Variants in CPNE5 observed in about 807,000 individuals in gnomAD.
The protein encoded by CPNE5 is copine 5.
Under a neutral mutation model 81.1 loss-of-function variants are expected in CPNE5, and 42 were observed. That is an observed-to-expected ratio of 0.52 (90% CI 0.40 to 0.67). The LOEUF (loss-of-function observed/expected upper bound fraction) is 0.67, where lower values mean the gene tolerates loss of function less well. CPNE5 is among the 30% of genes least tolerant of loss of function. The pLI is 0.00. For missense variants in CPNE5, 612 were observed against 815.5 expected (o/e 0.75, Z 3.04); for synonymous variants, 313 against 321.5 (o/e 0.97, Z 0.28).
intron 7 of CPNE5, among the ~76,000 whole-genome samples, chr6:36,794,172 CA>C (rs755439307): frequency 1.7e-5 from 2 of 118,430 alleles, no homozygotes; most frequent in East Asian, 2.3e-4. Flanking sequence ...GGGAGGGGAA[CA>C]GGGGGGAAAG....
At chr6:36,815,478 G>A (rs550168547) in intron 3 of CPNE5, among the ~76,000 whole-genome samples, 13 of 152,340 alleles carry the variant, frequency 8.5e-5, no homozygotes, top group African/African-American at 3.1e-4. Context: ...TGGGCTTAGA[G>A]TGTGTTCATC....
chr6:36,769,338 G>A (rs1247451649), intron 10 of CPNE5, among the ~76,000 whole-genome samples: 1 of 152,188 alleles, frequency 6.6e-6, no homozygotes, highest in African/African-American at 2.4e-5. Flanking sequence ...AGTGACCTGG[G>A]CCTCTGGACA....
chr6:36,790,487 G>A (rs1768985739), intron 8 of CPNE5, among the ~76,000 whole-genome samples: 1 of 152,156 alleles, frequency 6.6e-6, no homozygotes, highest in South Asian at 2.1e-4. Flanking sequence ...GAATCCAGAT[G>A]TCTTCCATTA....
Position 36,785,313 on chromosome 6 carries a change from G to A in CPNE5, c.529-6356C>T, listed in dbSNP as rs913818374. On this transcript the variant is annotated intron_variant, in intron 8 of 20. Coordinates refer to ENST00000244751, the MANE Select transcript of CPNE5 (RefSeq NM_020939.2). ...CAGCTTCCAGATTCAGAACAAGTAT[G>A]AGGTGTGTGCAAAATTTAAAGGGGG... is the stretch of plus-strand genomic sequence containing the variant. Among the ~76,000 whole-genome samples the A allele has an allele frequency of 2.0e-5, 3 of 152,222 alleles. No individual in the cohort carries two copies. In the South Asian group the frequency reaches 6.2e-4, roughly 32 times the overall value.
chr6:36,827,594 C>G (rs1236314227), intron 1 of CPNE5: 2 of 985,288 alleles, frequency 2.0e-6, no homozygotes, highest in Non-Finnish European at 1.2e-6. Context: ...AAGGCACAGA[C>G]CACAACACAC....
chr6:36,745,616 T>G (rs1190518574), intron 16 of CPNE5, 101 bp from the exon 17 acceptor site: 10 of 1,263,118 alleles, frequency 7.9e-6, no homozygotes, highest in East Asian at 2.8e-5. Context: ...AGGCCTGGGC[T>G]CCCCCAGGTC....
intron 15 of CPNE5, among the ~76,000 whole-genome samples, chr6:36,747,917 C>CG (rs1001243077): frequency 3.3e-5 from 5 of 152,164 alleles, no homozygotes; most frequent in African/African-American, 1.2e-4. Flanking sequence ...GATTTGATCC[C>CG]GGGGGGAAAC....
At chr6:36,752,993 C>G in intron 14 of CPNE5, 41 bp downstream of exon 14, 1 of 1,533,996 alleles carries the variant, frequency 6.5e-7, no homozygotes, top group South Asian at 1.1e-5. Context: ...GGCCCTTTCC[C>G]TCTCCCCAAG....
At chr6:36,786,591 G>T (rs1768575123) in intron 8 of CPNE5, among the ~76,000 whole-genome samples, 1 of 152,108 alleles carries the variant, frequency 6.6e-6, no homozygotes, top group Admixed American at 6.5e-5. Context: ...AGAAAAACAG[G>T]ACGATTTGGA....
intron 3 of CPNE5, among the ~76,000 whole-genome samples, chr6:36,814,444 A>G (rs1771361250): frequency 6.6e-6 from 1 of 152,222 alleles, no homozygotes; most frequent in Non-Finnish European, 1.5e-5. Flanking sequence ...CTCATTGCCA[A>G]CTCTGAGGTA....
At chr6:36,764,400 C>T (rs1562111194) in intron 11 of CPNE5, among the ~76,000 whole-genome samples, 1 of 152,052 alleles carries the variant, frequency 6.6e-6, no homozygotes, top group African/African-American at 2.4e-5. Context: ...GCTTGGGTCT[C>T]ACCTGGAGCT....
chr6:36,752,928 A>G, intron 14 of CPNE5, 106 bp downstream of exon 14: 5 of 894,604 alleles, frequency 5.6e-6, no homozygotes. Context: ...ACAGCCTTCA[A>G]CCAGGGCTTT....
chr6:36,776,277 C>G (rs1767492980), intron 9 of CPNE5, among the ~76,000 whole-genome samples: 1 of 152,188 alleles, frequency 6.6e-6, no homozygotes, highest in African/African-American at 2.4e-5. Context: ...TCCACCCATA[C>G]CCACACAGCC....
intron 15 of CPNE5, among the ~76,000 whole-genome samples, chr6:36,747,584 G>A (rs1764320946): frequency 1.3e-5 from 2 of 152,204 alleles, no homozygotes; most frequent in African/African-American, 4.8e-5. Context: ...TATAAGAGGA[G>A]CTCCTGACAC....
chr6:36,776,628 C>A (rs1314321533), intron 9 of CPNE5, among the ~76,000 whole-genome samples: 9 of 152,086 alleles, frequency 5.9e-5, no homozygotes, highest in Non-Finnish European at 1.0e-4. Context: ...CCAAATACCA[C>A]CCCCCAACCG....
At position 36,746,255 on chromosome 6, in the gene CPNE5, A is replaced by G. The variant is rs1764145028; in HGVS notation, c.1200+141T>C. ...GGGAGTGGATTTCTGGAGCCCCCCT[A>G]CACACAGCAGGCAGTCTACCTCCAC... On this transcript the variant is annotated intron_variant, in intron 16 of 20. Coordinates refer to ENST00000244751, the MANE Select transcript of CPNE5 (RefSeq NM_020939.2). This position sits in a 1 kb window ranked among gnomAD's most constrained non-coding sequence, Gnocchi z 4.5. The G allele has an allele frequency of 1.3e-5, 19 of 1,412,338 alleles. No individual in the cohort carries two copies. The South Asian group carries it at 2.4e-4, about 18-fold the overall frequency. The allele number at this position is 1,412,338 out of a possible 1,614,324, so 87.5% of individuals were successfully genotyped here.
chr6:36,821,659 G>A (rs560777345), intron 3 of CPNE5, among the ~76,000 whole-genome samples: 68 of 152,300 alleles, frequency 4.5e-4, no homozygotes, highest in African/African-American at 1.5e-3. Flanking sequence ...TTTTGGAGCC[G>A]GGACTTGATT....
At chr6:36,811,751 G>A (rs1255545107) in intron 3 of CPNE5, among the ~76,000 whole-genome samples, 1 of 152,080 alleles carries the variant, frequency 6.6e-6, no homozygotes, top group Non-Finnish European at 1.5e-5. Context: ...GGAGGCAGGG[G>A]CTACACACAT....
chr6:36,745,303 A>G, intron 17 of CPNE5, 85 bp downstream of exon 17: 1 of 1,503,718 alleles, frequency 6.7e-7, no homozygotes, highest in Non-Finnish European at 9.0e-7. Flanking sequence ...GTGGGAAGAG[A>G]AACCCCCTCC....
Sources: allele counts gnomAD v4.1 joint callset (sites outside exome capture counted in the v4.1 genomes callset), GRCh38; gene constraint gnomAD v4.1.1; non-coding constraint Gnocchi (gnomAD v3.1); transcripts MANE v1.5; gene names NCBI Gene and HGNC (gene_info 2026-07-23, HGNC 2026-07-21).